The following CABCOCO1 variants were observed in gnomAD, a reference collection of about 807,000 sequenced individuals.
The protein encoded by CABCOCO1 is ciliary-associated calcium-binding coiled-coil protein 1.
Under a neutral mutation model 35.7 loss-of-function variants are expected in CABCOCO1, and 28 were observed. The observed-to-expected ratio is 0.78, with a 90% confidence interval of 0.58 to 1.07. The LOEUF is 1.07. Ranked by LOEUF, CABCOCO1 falls within the 50% of genes least tolerant of loss-of-function variation. CABCOCO1 has a pLI of 0.00. For synonymous variants in CABCOCO1, 95 were observed against 100.1 expected (o/e 0.95, Z 0.30); for missense variants, 326 against 309.2 (o/e 1.05, Z -0.41).
chr10:61,676,705 AG>A (rs1214102541), intron 2 of CABCOCO1, among the ~76,000 whole-genome samples: 2 of 152,164 alleles, frequency 1.3e-5, no homozygotes, highest in African/African-American at 4.8e-5. Context: ...TAAAAGAAAA[AG>A]TAACCTATAG....
chr10:61,694,208 A>G (rs1047921617), intron 5 of CABCOCO1, among the ~76,000 whole-genome samples: 2 of 150,558 alleles, frequency 1.3e-5, no homozygotes. Context: ...GGAGGATCAG[A>G]GTCAGAAAAA....
At chr10:61,675,268 G>T (rs1839478456) in intron 2 of CABCOCO1, among the ~76,000 whole-genome samples, 1 of 152,120 alleles carries the variant, frequency 6.6e-6, no homozygotes, top group Non-Finnish European at 1.5e-5. Flanking sequence ...TTACGTATTT[G>T]CCAGTAAAAT....
intron 1 of CABCOCO1, among the ~76,000 whole-genome samples, chr10:61,668,778 C>T (rs926380998): frequency 1.3e-5 from 2 of 151,412 alleles, no homozygotes; most frequent in African/African-American, 2.4e-5. Flanking sequence ...GTAAGGTGAA[C>T]GAGGCACTCT....
At chr10:61,736,891 G>GTT (rs965679502) in intron 5 of CABCOCO1, among the ~76,000 whole-genome samples, 1 of 151,878 alleles carries the variant, frequency 6.6e-6, no homozygotes, top group Admixed American at 6.6e-5. Flanking sequence ...GTATTTTATT[G>GTT]TTTTTTTGTG....
chr10:61,746,206 C>A (rs1197745158), intron 5 of CABCOCO1, among the ~76,000 whole-genome samples: 2 of 152,100 alleles, frequency 1.3e-5, no homozygotes, highest in Non-Finnish European at 2.9e-5. Context: ...ATAAGAGGTT[C>A]ATCTTGTTTA....
At chr10:61,701,850 T>C (rs1840466862) in intron 5 of CABCOCO1, 1 of 937,060 alleles carries the variant, frequency 1.1e-6, no homozygotes, top group Non-Finnish European at 1.3e-6. Flanking sequence ...GATATAACTG[T>C]CTTCAAATCT....
Position 61,766,582 on chromosome 10 carries a change from T to C in CABCOCO1, c.*569T>C, listed in dbSNP as rs1209952215. On this transcript the variant is annotated 3_prime_UTR_variant, in exon 8 of 8. Transcript: ENST00000648843. ...GTGTGAAACCAATTTTCTGAAATTA[T>C]ATAATGCAGTTTGAAGCACTTTAAT... 2.6e-5 allele frequency: 4 copies of C among 152,216 alleles called. No individual in the cohort carries two copies. Among genetic ancestry groups the C allele is most frequent in the Non-Finnish European group, 5.9e-5 (4 of 68,112 alleles). 9.4% of individuals were successfully genotyped at this position (152,216 alleles called of 1,614,324 possible). A position where few individuals can be genotyped will look rare whatever the true frequency, so the allele number is the denominator to read the frequency against.
At chr10:61,749,186 A>C (rs1005659399) in intron 5 of CABCOCO1, among the ~76,000 whole-genome samples, 10 of 152,232 alleles carry the variant, frequency 6.6e-5, no homozygotes, top group African/African-American at 2.4e-4. Flanking sequence ...AGTAAGTGTT[A>C]ATTAAAAATA....
chr10:61,698,031 A>C (rs1228961225), intron 5 of CABCOCO1, among the ~76,000 whole-genome samples: 1 of 152,134 alleles, frequency 6.6e-6, no homozygotes, highest in Non-Finnish European at 1.5e-5. Flanking sequence ...TTTTTATCAT[A>C]TTGTAAAAAT....
In CABCOCO1 at chr10:61,752,685, G is replaced by A. The variant is rs190502512; in HGVS notation, c.553-7374G>A. Among the ~76,000 whole-genome samples the A allele has an allele frequency of 7.1e-4, 108 of 152,178 alleles. 1 individual carries two copies. Among genetic ancestry groups the A allele is most frequent in the Non-Finnish European group, 8.8e-5 (6 of 67,998 alleles). Reference sequence around the variant, plus strand: ...ATTTGTCAGCACATTTTTAATGTCAGATTACTTAAAATAGACATCTTGGCT... The same window carrying A: ...ATTTGTCAGCACATTTTTAATGTCAAATTACTTAAAATAGACATCTTGGCT... On this transcript the variant is annotated intron_variant, in intron 5 of 7. Transcript: ENST00000648843.
At chr10:61,740,139 C>T (rs1841517515) in intron 5 of CABCOCO1, among the ~76,000 whole-genome samples, 1 of 152,204 alleles carries the variant, frequency 6.6e-6, no homozygotes, top group Non-Finnish European at 1.5e-5. Context: ...GTTTTAAATA[C>T]ATTAAGTTTA....
intron 5 of CABCOCO1, among the ~76,000 whole-genome samples, chr10:61,757,954 G>A (rs532214411): frequency 8.9e-4 from 135 of 152,152 alleles, no homozygotes; most frequent in African/African-American, 3.0e-3. Context: ...TTCCACAGGG[G>A]GTGAGGGCAA....
intron 5 of CABCOCO1, among the ~76,000 whole-genome samples, chr10:61,723,320 G>A (rs71507189): frequency 0.016 from 2,503 of 152,146 alleles, 47 homozygotes; most frequent in East Asian, 0.046. Context: ...ACTAAAATAC[G>A]AATATAAGAA....
rs1564532734 is a variant in CABCOCO1, at chr10:61,680,676, ATGTTATACATG to A, written c.165-465_165-455del. ...ATTATGTTATACATGTATAACATAT[ATGTTATACATG>A]TATAACATATATATGTTATACATGT... On this transcript the variant is annotated intron_variant, in intron 2 of 7. Transcript: ENST00000648843. Among the ~76,000 whole-genome samples the A allele has an allele frequency of 2.1e-3, 172 of 82,446 alleles. 6 individuals are homozygous for A. The highest frequency in any genetic ancestry group is 3.9e-3 in the South Asian group (11 of 2,810). The allele number at this position is 82,446 out of a possible 152,430, so 54.1% of individuals were successfully genotyped here.
chr10:61,684,394 T>G (rs1839892090), intron 3 of CABCOCO1, among the ~76,000 whole-genome samples: 1 of 152,218 alleles, frequency 6.6e-6, no homozygotes, highest in African/African-American at 2.4e-5. Flanking sequence ...ACTTTCACCT[T>G]ATTAGTAATT....
At position 61,691,746 on chromosome 10, in the gene CABCOCO1, C is replaced by T. The variant is rs760694274; in HGVS notation, c.552+1125C>T. ...CTTATGAGTGAGAACATGCGGTGTT[C>T]GGTTCTCTGTTCCTGTGTTAGTTTG... On this transcript the variant is annotated intron_variant, in intron 5 of 7. Transcript: ENST00000648843. Among the ~76,000 whole-genome samples the T allele has an allele frequency of 3.3e-5, 5 of 151,946 alleles. No individual in the cohort carries two copies. In the East Asian group the frequency reaches 5.8e-4, roughly 18 times the overall value.
chr10:61,745,481 G>T (rs541854984), intron 5 of CABCOCO1, among the ~76,000 whole-genome samples: 6 of 152,152 alleles, frequency 3.9e-5, no homozygotes, highest in African/African-American at 1.2e-4. Context: ...CTAAAATCAG[G>T]GACTCACCCA....
At chr10:61,675,341 C>T (rs1300981987) in intron 2 of CABCOCO1, among the ~76,000 whole-genome samples, 1 of 152,126 alleles carries the variant, frequency 6.6e-6, no homozygotes, top group Non-Finnish European at 1.5e-5. Flanking sequence ...TACATAATCT[C>T]CTTTGGAGTA....
chr10:61,676,710 C>A (rs1195150762), intron 2 of CABCOCO1, among the ~76,000 whole-genome samples: 3 of 151,948 alleles, frequency 2.0e-5, no homozygotes, highest in Non-Finnish European at 4.4e-5. Flanking sequence ...GAAAAAGTAA[C>A]CTATAGAGGA....
Sources: gnomAD v4.1 joint callset for allele counts (sites outside exome capture counted in the v4.1 genomes callset) on GRCh38, gnomAD v4.1.1 for gene constraint, MANE v1.5 for transcripts, NCBI Gene and HGNC (gene_info 2026-07-23, HGNC 2026-07-21) for gene names.